Variants in GLRA2 observed in about 807,000 individuals in gnomAD.
The protein encoded by GLRA2 is glycine receptor alpha 2.
GLRA2 carries 11 observed loss-of-function variants against 31.6 expected under a neutral mutation model. That is an observed-to-expected ratio of 0.35 (90% CI 0.22 to 0.58). GLRA2 has a LOEUF of 0.58. GLRA2 is among the 20% of genes least tolerant of loss of function. The pLI is 0.84. For synonymous variants in GLRA2, 132 were observed against 134.0 expected (o/e 0.99, Z 0.10); for missense variants, 212 against 351.8 (o/e 0.60, Z 3.18).
At chrX:14,530,927 A>G (rs967222695) in intron 1 of GLRA2, 1 of 863,480 alleles carries the variant, frequency 1.2e-6, no homozygotes. Flanking sequence ...AAAGTATAGG[A>G]CTCTAAATTT....
chrX:14,538,457 A>G (rs1295871928), intron 2 of GLRA2, among the ~76,000 whole-genome samples: 2 of 112,112 alleles, frequency 1.8e-5, no homozygotes, highest in Non-Finnish European at 3.8e-5. Context: ...GAAAGAAACA[A>G]GTTAGAGAAA....
chrX:14,541,901 T>C (rs113784594), intron 2 of GLRA2, among the ~76,000 whole-genome samples: 5 of 111,203 alleles, frequency 4.5e-5, no homozygotes, highest in African/African-American at 1.6e-4. Context: ...CTAAAACAAA[T>C]TAACAACCAA....
chrX:14,479,022 A>G, the GLRA2 span, among the ~76,000 whole-genome samples: 1 of 111,104 alleles, frequency 9.0e-6, no homozygotes, highest in Non-Finnish European at 1.9e-5. Context: ...TGTCACATGC[A>G]TGAAGGAGAA....
chrX:14,647,357 A>AATT (rs2147134355), intron 7 of GLRA2, among the ~76,000 whole-genome samples: 1 of 112,384 alleles, frequency 8.9e-6, no homozygotes, highest in African/African-American at 3.2e-5. Context: ...TTGTATTATT[A>AATT]ATTTCCAGAG....
chrX:14,457,998 A>G, the GLRA2 span, among the ~76,000 whole-genome samples: 3 of 110,224 alleles, frequency 2.7e-5, 1 homozygote, highest in Admixed American at 2.9e-4. Context: ...AACATTAGGT[A>G]TATCTCCTAA....
At chrX:14,466,236 G>A in the GLRA2 span, among the ~76,000 whole-genome samples, 1 of 110,857 alleles carries the variant, frequency 9.0e-6, no homozygotes, top group Non-Finnish European at 1.9e-5. Context: ...TAATTAGCAA[G>A]TAATAATGGC....
At chrX:14,511,989 G>A in the GLRA2 span, among the ~76,000 whole-genome samples, 1 of 111,596 alleles carries the variant, frequency 9.0e-6, no homozygotes, top group South Asian at 3.8e-4. Flanking sequence ...AATACCATGT[G>A]CCATAGCCGC....
At chrX:14,526,341 T>A (rs1415930305), upstream of GLRA2, among the ~76,000 whole-genome samples, 1 of 112,568 alleles carries the variant, frequency 8.9e-6, no homozygotes, top group African/African-American at 3.2e-5. Context: ...TACACAAATA[T>A]CAATGGAGAA....
At chrX:14,713,433 T>TG (rs1569525893) in intron 8 of GLRA2, among the ~76,000 whole-genome samples, 1 of 112,267 alleles carries the variant, frequency 8.9e-6, no homozygotes, top group Non-Finnish European at 1.9e-5. Context: ...TGCAAGGCAT[T>TG]GCTTCTCTTA....
upstream of GLRA2, among the ~76,000 whole-genome samples, chrX:14,526,477 G>A (rs1255895696): frequency 1.8e-5 from 2 of 112,129 alleles, no homozygotes; most frequent in Non-Finnish European, 3.8e-5. Flanking sequence ...GTAAGAGGAT[G>A]GCTGCAGCAG....
At chrX:14,506,028 A>T in the GLRA2 span, among the ~76,000 whole-genome samples, 1 of 111,083 alleles carries the variant, frequency 9.0e-6, no homozygotes, top group Non-Finnish European at 1.9e-5. Flanking sequence ...TGCCTCAATT[A>T]TCTCTCCCTC....
chrX:14,602,099 C>A (rs2090281863), intron 4 of GLRA2, among the ~76,000 whole-genome samples: 1 of 111,383 alleles, frequency 9.0e-6, no homozygotes, highest in Non-Finnish European at 1.9e-5. Flanking sequence ...GGAAGGGAAC[C>A]AAGACTTACT....
chrX:14,556,167 C>T (rs990366475), intron 2 of GLRA2, among the ~76,000 whole-genome samples: 3 of 111,598 alleles, frequency 2.7e-5, no homozygotes, highest in African/African-American at 9.8e-5. Context: ...CAGCCAATTC[C>T]ATTATCATAA....
At position 14,604,294 on chromosome X, in the gene GLRA2, ATT is replaced by A; in HGVS notation, c.495-12_495-11del. ...TTCATAGATTTAAAAATGGTTTTTA[ATT>A]TTTTTTTTGTTTGCTAAGACTCACC... On this transcript the variant is annotated intron_variant, in intron 4 of 8. Transcript: ENST00000218075. 1.1e-5 allele frequency: 11 copies of A among 956,790 alleles called. No homozygotes were observed. The highest frequency in any genetic ancestry group is 1.6e-5 in the Non-Finnish European group (11 of 690,418). 78.9% of individuals were successfully genotyped at this position (956,790 alleles called of 1,213,427 possible).
At chrX:14,462,366 TG>T in the GLRA2 span, among the ~76,000 whole-genome samples, 1 of 111,334 alleles carries the variant, frequency 9.0e-6, no homozygotes, top group Non-Finnish European at 1.9e-5. Context: ...TGGTGTTCTC[TG>T]TATTTCCTGA....
the GLRA2 span, among the ~76,000 whole-genome samples, chrX:14,478,033 T>C: frequency 9.0e-6 from 1 of 110,556 alleles, no homozygotes; most frequent in Middle Eastern, 4.6e-3. Context: ...TATATATCCA[T>C]GAGTGGTGAT....
At chrX:14,563,781 T>TA (rs200226906) in intron 2 of GLRA2, among the ~76,000 whole-genome samples, 3,366 of 111,079 alleles carry the variant, frequency 0.03, 49 homozygotes, top group Non-Finnish European at 0.043. Context: ...ATATAAATTG[T>TA]AAAAAAAATT....
At chrX:14,598,356 T>C (rs1382574336) in intron 4 of GLRA2, among the ~76,000 whole-genome samples, 1 of 112,591 alleles carries the variant, frequency 8.9e-6, no homozygotes, top group South Asian at 3.6e-4. Context: ...AGAGTTTCAT[T>C]GGGAATGAAC....
the GLRA2 span, among the ~76,000 whole-genome samples, chrX:14,493,870 C>T: frequency 1.9e-5 from 2 of 107,205 alleles, no homozygotes; most frequent in Admixed American, 2.0e-4. Flanking sequence ...TAATTATTCA[C>T]TAAAGGATAT....
Sources: allele counts gnomAD v4.1 joint callset (sites outside exome capture counted in the v4.1 genomes callset), GRCh38; gene constraint gnomAD v4.1.1; transcripts MANE v1.5; gene names NCBI Gene and HGNC (gene_info 2026-07-23, HGNC 2026-07-21).